CFAP97: variants seen among roughly 807,000 people sequenced by gnomAD.
The protein encoded by CFAP97 is cilia- and flagella-associated protein 97.
A neutral mutation model predicts 43.1 loss-of-function variants in CFAP97; 36 were observed. The ratio of observed to expected loss-of-function variants is 0.84; its 90% CI spans 0.64 to 1.10. The LOEUF (loss-of-function observed/expected upper bound fraction) is 1.10. Ranked by LOEUF, CFAP97 falls within the 50% of genes least tolerant of loss-of-function variation. The probability of loss-of-function intolerance (pLI) is 0.00; values close to 1 mark genes in which losing one functional copy is unlikely to be tolerated. For missense variants in CFAP97, 657 were observed against 620.3 expected, an observed-to-expected ratio of 1.06 and a Z score of -0.63; for synonymous variants, 228 against 225.7, an observed-to-expected ratio of 1.01 and a Z score of -0.09.
upstream of CFAP97, chr4:185,209,651 C>A (rs1035038785): frequency 2.5e-6 from 2 of 796,326 alleles, no homozygotes; most frequent in African/African-American, 3.7e-5. The surrounding 1 kb of genome is among the most constrained non-coding windows in gnomAD (Gnocchi z 5.2). Context: ...GCTACGGGCC[C>A]AGCGCCTGGT....
In CFAP97 at chr4:185,164,075, T is replaced by C. The variant is rs780140850; in HGVS notation, c.1425A>G (p.Pro475=). Residue 475 remains proline, a synonymous_variant, in exon 4 of 5, where the codon CCA becomes CCG. Transcript: ENST00000458385. The stretch of plus-strand genomic sequence containing the variant: ...GAGTGGATCTGGCCCGTCTTGACAA[T>C]GGTGATGAGTTGAGATAGCCCATAT... ...HRNMGYLNSS[P]LSRRARSTLG... The C allele has an allele frequency of 6.6e-5, 107 of 1,613,844 alleles. 4 individuals carry two copies. The South Asian group carries it at 8.2e-4, about 12-fold the overall frequency.
chr4:185,162,842 G>A lies in CFAP97; in HGVS notation c.1555C>T (p.Arg519Ter), dbSNP rs779939237. ...ACATTAGGGGGTTTAGGTCTTCTTCGAGGGTGGCCACTGGAGGGGTCAACC... is the reference window on the plus strand; with the variant it reads ...ACATTAGGGGGTTTAGGTCTTCTTCAAGGGTGGCCACTGGAGGGGTCAACC... ...SAVDPSSGHP[R>*]RRPKPPNVRT... The change falls in exon 5 of 5, where the codon CGA (arginine) becomes TGA (stop). Residue 519 changes from arginine to a stop codon, truncating the protein, a stop_gained. Coordinates refer to ENST00000458385, the MANE Select transcript of CFAP97 (RefSeq NM_020827.3). LOFTEE classifies it high-confidence loss of function. 1.6e-5 allele frequency: 26 copies of A among 1,612,566 alleles called. No individual in the cohort carries two copies. Among genetic ancestry groups the A allele is most frequent in the African/African-American group, 5.3e-5 (4 of 74,884 alleles).
intron 1 of CFAP97, among the ~76,000 whole-genome samples, chr4:185,192,224 T>C (rs1015635556): frequency 1.4e-4 from 21 of 152,210 alleles, no homozygotes; most frequent in African/African-American, 5.1e-4. Context: ...AACTTCTGAA[T>C]ATGTAATCAC....
intron 1 of CFAP97, among the ~76,000 whole-genome samples, chr4:185,193,013 TACAGGCGTGAGCCACCGCGCCCCACCCA>T (rs1736370023): frequency 6.6e-6 from 1 of 152,026 alleles, no homozygotes; most frequent in Non-Finnish European, 1.5e-5. Flanking sequence ...GTGCTCAAAT[TACAGGCGTGAGCCACCGCGCCCCACCCA>T]GAATTGACCT....
intron 1 of CFAP97, among the ~76,000 whole-genome samples, chr4:185,192,414 G>T (rs895045654): frequency 2.0e-5 from 3 of 152,136 alleles, no homozygotes; most frequent in Admixed American, 2.0e-4. Flanking sequence ...GGATTAAAAT[G>T]TTCAAAGTAG....
At chr4:185,197,693 T>C (rs1700103767) in intron 1 of CFAP97, among the ~76,000 whole-genome samples, 2 of 152,260 alleles carry the variant, frequency 1.3e-5, no homozygotes, top group Admixed American at 6.5e-5. Flanking sequence ...CCCAAAGTGC[T>C]GGGATTACAG....
rs1737057327 is a variant in CFAP97 at position 185,203,902 on chromosome 4, G to C, written c.-21C>G. 6.6e-6 allele frequency: 1 copy of C among 151,812 alleles called. No homozygotes were observed. The highest frequency in any genetic ancestry group is 2.4e-5 in the African/African-American group (1 of 41,356). 9.4% of individuals were successfully genotyped at this position (151,812 alleles called of 1,614,324 possible). On this transcript the variant is annotated 5_prime_UTR_variant, in exon 1 of 5. Coordinates refer to ENST00000458385, the MANE Select transcript of CFAP97 (RefSeq NM_020827.3). Reference sequence around the variant, plus strand: ...AGCCGCTCGCGCGCCCCTCACCTGAGAGCCGCGGCCACCACAGCCCCACGC... The same window carrying C: ...AGCCGCTCGCGCGCCCCTCACCTGACAGCCGCGGCCACCACAGCCCCACGC...
intron 2 of CFAP97, among the ~76,000 whole-genome samples, chr4:185,187,630 C>A (rs1736059609): frequency 6.6e-6 from 1 of 151,964 alleles, no homozygotes; most frequent in African/African-American, 2.4e-5. Context: ...AGTGTCCTTA[C>A]AACAGGAGCG....
rs1469994796 is a variant in CFAP97, at chr4:185,190,679, G to A, written c.518C>T (p.Ser173Phe). The change falls in exon 2 of 5, where the codon TCC becomes TTC. Residue 173 changes from serine (S) to phenylalanine (F), a missense_variant. Transcript: ENST00000458385. ...AGATGAGGAAGATAAAGAGGAGGAG[G>A]AAGAGGAGCTAACTTTGCAATACTT... ...RKKYCKVSSSSSSSLSSSSSG... is the reference protein window; with the variant it reads ...RKKYCKVSSSFSSSLSSSSSG... 6.4e-7 allele frequency: 1 copy of A among 1,573,862 alleles called. No individual in the cohort carries two copies. The highest frequency in any genetic ancestry group is 8.6e-7 in the Non-Finnish European group (1 of 1,158,326).
chr4:185,165,278 C>T (rs1363896056), intron 3 of CFAP97, among the ~76,000 whole-genome samples: 7 of 152,160 alleles, frequency 4.6e-5, no homozygotes, highest in East Asian at 1.9e-4. Context: ...CATGGCGAAA[C>T]GCTATCTCCA....
At chr4:185,194,287 G>A (rs1450854519) in intron 1 of CFAP97, among the ~76,000 whole-genome samples, 6 of 152,134 alleles carry the variant, frequency 3.9e-5, no homozygotes, top group Admixed American at 2.0e-4. Flanking sequence ...TCAGGAGTTC[G>A]AGACCAGCCC....
chr4:185,202,588 A>T (rs1178196171), intron 1 of CFAP97, among the ~76,000 whole-genome samples: 1 of 151,906 alleles, frequency 6.6e-6, no homozygotes, highest in Non-Finnish European at 1.5e-5. Flanking sequence ...GTTTCAACCC[A>T]GTTTCCTTGA....
upstream of CFAP97, among the ~76,000 whole-genome samples, chr4:185,207,464 C>T (rs1737236630): frequency 1.3e-5 from 2 of 152,082 alleles, no homozygotes; most frequent in South Asian, 2.1e-4. Context: ...GTAATCCAGC[C>T]ACCTCGGCTT....
chr4:185,176,061 A>G lies in CFAP97; in HGVS notation c.1055-10T>C. The stretch of plus-strand genomic sequence containing the variant: ...TCTAATTGCAGAAAAGCTACAGAAA[A>G]GAACAAAAAAAAAAGAGAAAATGGC... On this transcript the variant is annotated splice_polypyrimidine_tract_variant and intron_variant, in intron 2 of 4. Coordinates refer to ENST00000458385, the MANE Select transcript of CFAP97 (RefSeq NM_020827.3). 2 of 1,522,246 alleles carry G rather than the reference A, an allele frequency of 1.3e-6. No homozygotes were observed. The highest frequency in any genetic ancestry group is 1.8e-6 in the Non-Finnish European group (2 of 1,141,994). The allele number at this position is 1,522,246 out of a possible 1,614,324, so 94.3% of individuals were successfully genotyped here.
upstream of CFAP97, among the ~76,000 whole-genome samples, chr4:185,205,453 C>CAA (rs1161922728): frequency 3.1e-5 from 4 of 127,506 alleles, no homozygotes; most frequent in African/African-American, 1.1e-4. Context: ...GACTGTGTCT[C>CAA]AAAAAAAAAA....
chr4:185,188,194 G>A (rs576081192), intron 2 of CFAP97, among the ~76,000 whole-genome samples: 5 of 151,548 alleles, frequency 3.3e-5, no homozygotes, highest in African/African-American at 4.9e-5. Flanking sequence ...GTGCTCGGCC[G>A]CTATTATTAT....
chr4:185,163,927 C>T, intron 4 of CFAP97, 102 bp downstream of exon 4: 2 of 1,018,640 alleles, frequency 2.0e-6, no homozygotes, highest in Non-Finnish European at 2.9e-6. Context: ...AGAACGCATT[C>T]CAGAGTTGGC....
chr4:185,172,126 A>C (rs1233621547), intron 3 of CFAP97, among the ~76,000 whole-genome samples: 1 of 152,212 alleles, frequency 6.6e-6, no homozygotes, highest in Non-Finnish European at 1.5e-5. Context: ...AATTATAATG[A>C]TAATTGAGGC....
intron 3 of CFAP97, among the ~76,000 whole-genome samples, chr4:185,165,812 C>A (rs1735046141): frequency 2.0e-5 from 3 of 152,180 alleles, no homozygotes; most frequent in Admixed American, 2.0e-4. Flanking sequence ...AACTTTTCTT[C>A]CACTTGGTGT....
Sources: allele counts gnomAD v4.1 joint callset (sites outside exome capture counted in the v4.1 genomes callset), GRCh38; gene constraint gnomAD v4.1.1; non-coding constraint Gnocchi (gnomAD v3.1); transcripts MANE v1.5; gene names NCBI Gene and HGNC (gene_info 2026-07-23, HGNC 2026-07-21).